The following FAM114A1 variants were observed in gnomAD, a reference collection of about 807,000 sequenced individuals.
The protein encoded by FAM114A1 is family with sequence similarity 114 member A1, also known as protein NOXP20.
In FAM114A1, 62 loss-of-function variants were observed where a neutral mutation model predicts 64.3. That is an observed-to-expected ratio of 0.96 (90% CI 0.79 to 1.19). The LOEUF (loss-of-function observed/expected upper bound fraction) is 1.19. Among genes scored for constraint, FAM114A1 ranks in the 50% most tolerant of loss-of-function variants. The pLI is 0.00. For missense variants in FAM114A1, 645 were observed against 676.3 expected (o/e 0.95, Z 0.51); for synonymous variants, 254 against 251.1 (o/e 1.01, Z -0.11).
At position 38,943,641 on chromosome 4, in the gene FAM114A1, C is replaced by T; in HGVS notation, c.*84C>T. On this transcript the variant is annotated 3_prime_UTR_variant, in exon 15 of 15. Coordinates refer to ENST00000358869, the MANE Select transcript of FAM114A1 (RefSeq NM_138389.4). ...CATTTAAGGGGATGTTCTCTGTGCG[C>T]CTGGCCACAGACATCCATTTGAGGA... 8.4e-7 allele frequency: 1 copy of T among 1,194,392 alleles called. No individual in the cohort carries two copies. Among genetic ancestry groups the T allele is most frequent in the South Asian group, 1.3e-5 (1 of 78,892 alleles). 74.0% of individuals were successfully genotyped at this position (1,194,392 alleles called of 1,614,324 possible).
At chr4:38,879,277 C>A (rs954207397) in intron 3 of FAM114A1, among the ~76,000 whole-genome samples, 2 of 152,160 alleles carry the variant, frequency 1.3e-5, no homozygotes, top group African/African-American at 2.4e-5. Flanking sequence ...CCAGGCCCAG[C>A]CCTGTTCATC....
intron 3 of FAM114A1, among the ~76,000 whole-genome samples, chr4:38,884,511 G>T (rs1345889302): frequency 2.6e-5 from 4 of 152,198 alleles, no homozygotes; most frequent in Non-Finnish European, 5.9e-5. Flanking sequence ...GTTTGGTTGG[G>T]CACAGCTCTT....
chr4:38,943,814 T>C lies in FAM114A1; in HGVS notation c.*257T>C, dbSNP rs541540587. Reference sequence around the variant, plus strand: ...ACACAGCTTATATTGAAAATTTCCTTTCATCTGAAATTTATTTACAAATAT... The same window carrying C: ...ACACAGCTTATATTGAAAATTTCCTCTCATCTGAAATTTATTTACAAATAT... On this transcript the variant is annotated 3_prime_UTR_variant, in exon 15 of 15. Coordinates refer to ENST00000358869, the MANE Select transcript of FAM114A1 (RefSeq NM_138389.4). 55 of 320,972 alleles carry C rather than the reference T, an allele frequency of 1.7e-4. No individual in the cohort carries two copies. The highest frequency in any genetic ancestry group is 2.9e-4 in the Non-Finnish European group (49 of 169,660). 19.9% of individuals were successfully genotyped at this position (320,972 alleles called of 1,614,324 possible). A position where few individuals can be genotyped will look rare whatever the true frequency, so the allele number is the denominator to read the frequency against.
At chr4:38,912,658 A>G (rs1420186635) in intron 7 of FAM114A1, among the ~76,000 whole-genome samples, 1 of 152,212 alleles carries the variant, frequency 6.6e-6, no homozygotes, top group Non-Finnish European at 1.5e-5. Flanking sequence ...CTGGGATTAC[A>G]GGCGTGAGCC....
intron 12 of FAM114A1, among the ~76,000 whole-genome samples, chr4:38,934,730 A>C (rs572378468): frequency 1.3e-5 from 2 of 152,324 alleles, no homozygotes; most frequent in African/African-American, 4.8e-5. Context: ...TTCTTGGGAT[A>C]AAGTTCTAGA....
intron 11 of FAM114A1, 106 bp from the exon 12 acceptor site, chr4:38,932,129 A>T (rs956010957): frequency 8.0e-7 from 1 of 1,253,782 alleles, no homozygotes; most frequent in African/African-American, 1.5e-5. Flanking sequence ...TTCGGGTTAT[A>T]TTTGGGGTAT....
intron 7 of FAM114A1, 32 bp downstream of exon 7, chr4:38,908,758 T>C: frequency 6.6e-7 from 1 of 1,515,398 alleles, no homozygotes. Context: ...ATTTTTTCTT[T>C]CAGTCAATAA....
At chr4:38,916,482 T>TA (rs1719062457) in intron 8 of FAM114A1, among the ~76,000 whole-genome samples, 1 of 152,058 alleles carries the variant, frequency 6.6e-6, no homozygotes, top group Non-Finnish European at 1.5e-5. Context: ...TATGCAGCCA[T>TA]AAAAAAGAAT....
intron 3 of FAM114A1, 115 bp from the exon 4 acceptor site, chr4:38,891,628 G>C: frequency 1.2e-6 from 1 of 837,470 alleles, no homozygotes; most frequent in Non-Finnish European, 1.8e-6. Context: ...AAGCCAATTA[G>C]ATACGGTTGT....
chr4:38,921,930 GTTTA>G (rs556437360), intron 8 of FAM114A1, among the ~76,000 whole-genome samples: 1 of 152,188 alleles, frequency 6.6e-6, no homozygotes, highest in Non-Finnish European at 1.5e-5. Context: ...ATGCATGTTT[GTTTA>G]TTTATTTATT....
chr4:38,933,474 T>C (rs1227575469), intron 12 of FAM114A1, among the ~76,000 whole-genome samples: 2 of 152,240 alleles, frequency 1.3e-5, no homozygotes. Flanking sequence ...CGGTCACTAA[T>C]ATTAACCAGT....
In FAM114A1 at chr4:38,943,546, G is replaced by A; in HGVS notation, c.1681G>A (p.Ala561Thr). 6.2e-7 allele frequency: 1 copy of A among 1,613,910 alleles called. No homozygotes were observed. ...VSHIQTSCLK[A>T]QP is the part of the protein sequence containing the mutation. ...ACATATCCAGACCAGTTGTTTGAAA[G>A]CACAGCCGTGACCTGGCCAGACTCC... The change falls in exon 15 of 15, where the codon GCA (alanine) becomes ACA (threonine). Residue 561 changes from alanine (A) to threonine (T), a missense_variant. Coordinates refer to ENST00000358869, the MANE Select transcript of FAM114A1 (RefSeq NM_138389.4).
chr4:38,930,828 C>T (rs530924014), intron 10 of FAM114A1, among the ~76,000 whole-genome samples: 1 of 152,122 alleles, frequency 6.6e-6, no homozygotes, highest in East Asian at 1.9e-4. Flanking sequence ...CATGATTTTG[C>T]AGGGCACAGA....
chr4:38,903,432 AAAG>A (rs1686465264), intron 4 of FAM114A1, among the ~76,000 whole-genome samples: 1 of 152,212 alleles, frequency 6.6e-6, no homozygotes, highest in Non-Finnish European at 1.5e-5. Context: ...TGGCTTAAGC[AAAG>A]AAGACAGAGA....
chr4:38,923,612 T>C (rs71606138), intron 9 of FAM114A1, among the ~76,000 whole-genome samples: 2 of 152,332 alleles, frequency 1.3e-5, no homozygotes, highest in African/African-American at 4.8e-5. Context: ...AATTTTTTTG[T>C]ATATTTTTCT....
At chr4:38,919,605 C>T (rs147111219) in intron 8 of FAM114A1, among the ~76,000 whole-genome samples, 3 of 152,300 alleles carry the variant, frequency 2.0e-5, no homozygotes, top group Non-Finnish European at 2.9e-5. Context: ...TGGGGACTCC[C>T]CTGTGTTGAA....
intron 4 of FAM114A1, among the ~76,000 whole-genome samples, chr4:38,898,552 A>G (rs1412954919): frequency 6.6e-6 from 1 of 152,240 alleles, no homozygotes; most frequent in Non-Finnish European, 1.5e-5. Context: ...GAGAATAGGA[A>G]TAATGCTTAG....
chr4:38,875,696 G>A (rs1714547039), intron 2 of FAM114A1, among the ~76,000 whole-genome samples: 1 of 152,108 alleles, frequency 6.6e-6, no homozygotes, highest in Non-Finnish European at 1.5e-5. Flanking sequence ...CTATTGTGTT[G>A]AATAGAAGTA....
chr4:38,916,044 T>A (rs1719024850), intron 8 of FAM114A1, among the ~76,000 whole-genome samples: 1 of 152,164 alleles, frequency 6.6e-6, no homozygotes, highest in Non-Finnish European at 1.5e-5. Flanking sequence ...AGCCTTAGAA[T>A]GGAGAAGTAG....
Sources: allele counts gnomAD v4.1 joint callset (sites outside exome capture counted in the v4.1 genomes callset), GRCh38; gene constraint gnomAD v4.1.1; transcripts MANE v1.5; gene names NCBI Gene and HGNC (gene_info 2026-07-23, HGNC 2026-07-21).